POLN: variants seen among roughly 807,000 people sequenced by gnomAD.
POLN encodes the protein DNA polymerase N.
A neutral mutation model predicts 113.5 loss-of-function variants in POLN; 108 were observed. The observed-to-expected ratio is 0.95, with a 90% CI of 0.81 to 1.12. The LOEUF (loss-of-function observed/expected upper bound fraction) is 1.12. Ranked by LOEUF, POLN falls within the 50% of genes most tolerant of loss-of-function variation. The pLI is 0.00. For synonymous variants in POLN, 386 were observed against 391.5 expected, an observed-to-expected ratio of 0.99 and a Z score of 0.17; for missense variants, 1,097 against 1,077.1, an observed-to-expected ratio of 1.02 and a Z score of -0.26.
At chr4:2,159,424 G>A (rs1732522285) in intron 13 of POLN, among the ~76,000 whole-genome samples, 1 of 152,136 alleles carries the variant, frequency 6.6e-6, no homozygotes, top group Non-Finnish European at 1.5e-5. Flanking sequence ...AAACACCTCA[G>A]TTAAGCTTGG....
At chr4:2,177,136 G>A (rs1733016875) in intron 8 of POLN, 1 of 274,728 alleles carries the variant, frequency 3.6e-6, no homozygotes, top group Non-Finnish European at 7.3e-6. Flanking sequence ...CTGCCACCTG[G>A]CAGAATTCTA....
intron 19 of POLN, among the ~76,000 whole-genome samples, chr4:2,125,051 AAAGCAGG>A: frequency 6.6e-6 from 1 of 152,240 alleles, no homozygotes; most frequent in Non-Finnish European, 1.5e-5. Flanking sequence ...GGGCAATCCT[AAAGCAGG>A]TTTTTTGTCC....
At chr4:2,129,320 A>G in intron 17 of POLN, 64 bp from the exon 18 acceptor site, 1 of 977,698 alleles carries the variant, frequency 1.0e-6, no homozygotes, top group Non-Finnish European at 1.6e-6. Flanking sequence ...GCTATTCCTC[A>G]ATACAATATT....
intron 19 of POLN, among the ~76,000 whole-genome samples, chr4:2,121,452 A>AATATATATAT (rs1553895661): frequency 3.2e-5 from 4 of 125,660 alleles, no homozygotes; most frequent in Non-Finnish European, 6.5e-5. Context: ...AAAAAAAAAA[A>AATATATATAT]ATATATATAT....
intron 25 of POLN, 80 bp from the exon 26 acceptor site, chr4:2,072,379 A>T (rs1375665875): frequency 5.7e-6 from 7 of 1,229,734 alleles, no homozygotes; most frequent in Non-Finnish European, 7.8e-6. Flanking sequence ...GCAGGGGGAC[A>T]GGGCCTACAG....
Position 2,128,636 on chromosome 4 carries a change from G to T in POLN, c.1868-409C>A, listed in dbSNP as rs139193537. ...TCTTAGCTGGGAGGAGTAGGGTCCG[G>T]CAAGGCCGCAGCGAGCAGGGCAGAC... is the stretch of plus-strand genomic sequence containing the variant. On this transcript the variant is annotated intron_variant, in intron 18 of 25. Coordinates refer to ENST00000511885, the MANE Select transcript of POLN (RefSeq NM_181808.4). Among the ~76,000 whole-genome samples the T allele has an allele frequency of 1.1e-3, 159 of 151,090 alleles. 2 individuals are homozygous for T. In the Middle Eastern group the frequency reaches 0.017, roughly 16 times the overall value.
chr4:2,240,254 T>G, intron 2 of POLN: 1 of 1,613,830 alleles, frequency 6.2e-7, no homozygotes, highest in Non-Finnish European at 8.5e-7. Context: ...CATTTGAACT[T>G]TCAACTACTT....
intron 8 of POLN, among the ~76,000 whole-genome samples, chr4:2,178,719 C>A (rs749414783): frequency 2.6e-5 from 4 of 151,932 alleles, no homozygotes; most frequent in African/African-American, 9.7e-5. Context: ...TCAAGCAATT[C>A]TCCTGCCTCA....
At chr4:2,200,509 C>CGA (rs917222377) in intron 5 of POLN, among the ~76,000 whole-genome samples, 12 of 152,298 alleles carry the variant, frequency 7.9e-5, no homozygotes, top group African/African-American at 2.4e-4. Context: ...TATCCACAAC[C>CGA]GAAAGACCCA....
At chr4:2,201,153 G>C (rs1399922923) in intron 5 of POLN, among the ~76,000 whole-genome samples, 2 of 151,464 alleles carry the variant, frequency 1.3e-5, no homozygotes, top group Non-Finnish European at 2.9e-5. Flanking sequence ...TGTAGTCCTA[G>C]TTACTCAAGA....
rs1731572875 is a variant in POLN at position 2,126,115 on chromosome 4, T to C, written c.1982+1998A>G. Among the ~76,000 whole-genome samples the C allele has an allele frequency of 6.6e-6, 1 of 152,192 alleles. No individual in the cohort carries two copies. Among genetic ancestry groups the C allele is most frequent in the African/African-American group, 2.4e-5 (1 of 41,432 alleles). ...AAGCTGGCCTTGGCTCCTGGTGCCC[T>C]GGACCCCACCATGTGCTGTGCTCGT... On this transcript the variant is annotated intron_variant, in intron 19 of 25. Coordinates refer to ENST00000511885, the MANE Select transcript of POLN (RefSeq NM_181808.4). The surrounding 1 kb of genome is among the most constrained non-coding windows in gnomAD (Gnocchi z 4.6).
At chr4:2,148,859 A>T (rs542445061) in intron 16 of POLN, among the ~76,000 whole-genome samples, 1 of 152,316 alleles carries the variant, frequency 6.6e-6, no homozygotes, top group South Asian at 2.1e-4. Flanking sequence ...TTATGTGAAG[A>T]TAGTGATGAA....
intron 16 of POLN, among the ~76,000 whole-genome samples, chr4:2,155,688 G>A (rs1456860856): frequency 6.6e-6 from 1 of 151,960 alleles, no homozygotes; most frequent in Non-Finnish European, 1.5e-5. Context: ...ATATATATAT[G>A]TTAGTGTGTA....
intron 19 of POLN, among the ~76,000 whole-genome samples, chr4:2,123,887 A>T (rs577291339): frequency 7.2e-4 from 110 of 152,232 alleles, no homozygotes; most frequent in Non-Finnish European, 1.2e-3. Context: ...ATTGACAAAA[A>T]GTGGAAACAA....
chr4:2,235,533 T>C (rs1490708251), intron 2 of POLN, among the ~76,000 whole-genome samples: 1 of 152,198 alleles, frequency 6.6e-6, no homozygotes, highest in East Asian at 1.9e-4. Context: ...TATAATGGAA[T>C]ACTAACTATA....
intron 5 of POLN, among the ~76,000 whole-genome samples, chr4:2,200,473 A>G (rs1200792666): frequency 6.6e-6 from 1 of 152,212 alleles, no homozygotes; most frequent in Non-Finnish European, 1.5e-5. Context: ...TCCTGCTCCC[A>G]GGAGACACCC....
At chr4:2,130,377 G>A (rs1007695506) in intron 17 of POLN, among the ~76,000 whole-genome samples, 32 of 152,182 alleles carry the variant, frequency 2.1e-4, no homozygotes, top group Admixed American at 7.9e-4. Flanking sequence ...GGACCTTCCT[G>A]CACAGCAGGG....
intron 3 of POLN, among the ~76,000 whole-genome samples, chr4:2,217,382 C>T (rs947087904): frequency 2.6e-5 from 4 of 152,288 alleles, no homozygotes; most frequent in Middle Eastern, 3.4e-3. Flanking sequence ...AGGCTGCCCC[C>T]GTCAGAAGTA....
intron 20 of POLN, chr4:2,089,222 C>T: frequency 3.9e-6 from 6 of 1,533,054 alleles, no homozygotes; most frequent in East Asian, 2.4e-5. Context: ...GAGTTGTATA[C>T]ATCAATTGTT....
Sources: gnomAD v4.1 joint callset for allele counts (sites outside exome capture counted in the v4.1 genomes callset) on GRCh38, gnomAD v4.1.1 for gene constraint, Gnocchi (gnomAD v3.1) non-coding constraint, MANE v1.5 for transcripts, NCBI Gene and HGNC (gene_info 2026-07-23, HGNC 2026-07-21) for gene names.